The following TENM2 variants were observed in gnomAD, a reference collection of about 807,000 sequenced individuals.
The protein encoded by TENM2 is teneurin-2.
Under a neutral mutation model 245.2 loss-of-function variants are expected in TENM2, and 52 were observed. The ratio of observed to expected loss-of-function variants is 0.21; its 90% CI spans 0.17 to 0.27. The LOEUF (loss-of-function observed/expected upper bound fraction) is 0.27, where lower values mean the gene tolerates loss of function less well. Ranked by LOEUF, TENM2 falls within the 10% of genes least tolerant of loss-of-function variation. TENM2 has a pLI of 1.00. For synonymous variants in TENM2, 1,363 were observed against 1,438.9 expected (o/e 0.95, Z 1.19); for missense variants, 3,046 against 3,666.8 (o/e 0.83, Z 4.37).
rs371633945 is a variant in TENM2 at position 167,972,001 on chromosome 5, A to T, written c.947+19179A>T. 2.6e-5 allele frequency among the ~76,000 whole-genome samples: 4 copies of T among 152,310 alleles called. No individual in the cohort carries two copies. The South Asian group carries it at 8.3e-4, about 32-fold the overall frequency. ...CTCACTATTTCCTGCATGATTAGGG[A>T]ATGTTGGTGCCTACTTATCCCACAC... is the stretch of plus-strand genomic sequence containing the variant. On this transcript the variant is annotated intron_variant, in intron 4 of 28. Transcript: ENST00000518659.
At chr5:167,543,244 T>C (rs1045129081) in intron 2 of TENM2, among the ~76,000 whole-genome samples, 9 of 152,122 alleles carry the variant, frequency 5.9e-5, no homozygotes, top group Admixed American at 2.6e-4. Context: ...CCACATTCCA[T>C]TGGGCTGAAA....
chr5:168,072,663 A>G (rs935235558), intron 7 of TENM2, among the ~76,000 whole-genome samples: 3 of 152,164 alleles, frequency 2.0e-5, no homozygotes, highest in African/African-American at 7.2e-5. Context: ...TATCTCTCCT[A>G]TGAAGTGTTT....
chr5:167,163,942 C>G, the TENM2 span, among the ~76,000 whole-genome samples: 1 of 152,150 alleles, frequency 6.6e-6, no homozygotes, highest in Non-Finnish European at 1.5e-5. Flanking sequence ...ATATCAGAGC[C>G]CTCCATGAGC....
At chr5:167,486,712 A>G (rs888282366) in intron 2 of TENM2, among the ~76,000 whole-genome samples, 1 of 152,160 alleles carries the variant, frequency 6.6e-6, no homozygotes, top group Admixed American at 6.5e-5. Flanking sequence ...AAATAATGCA[A>G]TGTAATGATT....
chr5:167,563,648 G>A (rs1251903161), intron 2 of TENM2, among the ~76,000 whole-genome samples: 5 of 152,050 alleles, frequency 3.3e-5, no homozygotes, highest in Non-Finnish European at 5.9e-5. Context: ...TTTCAGTCAG[G>A]GACAGACCTC....
intron 5 of TENM2, 113 bp from the exon 8 acceptor site, chr5:168,047,314 G>A (rs1788691567): frequency 1.6e-6 from 2 of 1,270,574 alleles, no homozygotes; most frequent in African/African-American, 1.5e-5. Flanking sequence ...AGCCATTTTT[G>A]ACGCAGCTTC....
At chr5:167,375,347 G>C in exon 2 of TENM2, 1 of 1,551,684 alleles carries the variant, frequency 6.4e-7, no homozygotes, top group Non-Finnish European at 8.7e-7. Context: ...GATGTCTCCA[G>C]AACACGCCAT....
At chr5:167,808,195 T>C (rs1766370186) in intron 2 of TENM2, among the ~76,000 whole-genome samples, 1 of 152,188 alleles carries the variant, frequency 6.6e-6, no homozygotes, top group Non-Finnish European at 1.5e-5. Flanking sequence ...TTAATCACTT[T>C]AAGGTTCAGT....
At chr5:167,049,228 C>G in the TENM2 span, among the ~76,000 whole-genome samples, 3 of 152,230 alleles carry the variant, frequency 2.0e-5, no homozygotes, top group Non-Finnish European at 4.4e-5. Flanking sequence ...CTGTGCTACA[C>G]AGATCCATAG....
At chr5:168,081,318 G>T (rs979196873) in intron 7 of TENM2, among the ~76,000 whole-genome samples, 1 of 152,050 alleles carries the variant, frequency 6.6e-6, no homozygotes, top group Non-Finnish European at 1.5e-5. Flanking sequence ...TTTTGAGCCT[G>T]TGTGTGTCTC....
intron 2 of TENM2, among the ~76,000 whole-genome samples, chr5:167,428,181 T>G (rs1267174032): frequency 6.6e-6 from 1 of 152,210 alleles, no homozygotes; most frequent in Non-Finnish European, 1.5e-5. Flanking sequence ...GATCATGCTG[T>G]CTCCTCAATA....
At chr5:167,210,921 C>T in the TENM2 span, among the ~76,000 whole-genome samples, 137 of 152,236 alleles carry the variant, frequency 9.0e-4, no homozygotes, top group African/African-American at 3.2e-3. Context: ...AATGTATTAT[C>T]TCCCCTTCAG....
chr5:167,695,551 A>G (rs568298105), intron 2 of TENM2, among the ~76,000 whole-genome samples: 1 of 152,150 alleles, frequency 6.6e-6, no homozygotes, highest in Non-Finnish European at 1.5e-5. Context: ...TCTCTAAAAC[A>G]TATGAATTTT....
chr5:168,207,724 T>C (rs1252684316), intron 19 of TENM2, among the ~76,000 whole-genome samples: 2 of 151,974 alleles, frequency 1.3e-5, no homozygotes, highest in East Asian at 3.9e-4. Context: ...ATTTCGGGAG[T>C]CAGTGCCCAT....
intron 3 of TENM2, among the ~76,000 whole-genome samples, chr5:167,893,534 A>G (rs960168940): frequency 5.9e-5 from 9 of 151,620 alleles, no homozygotes; most frequent in African/African-American, 2.2e-4. Flanking sequence ...GCTTATCACA[A>G]CTCTTAAATT....
chr5:167,753,226 C>T (rs763564367), intron 2 of TENM2, among the ~76,000 whole-genome samples: 10 of 152,044 alleles, frequency 6.6e-5, no homozygotes, highest in Non-Finnish European at 1.3e-4. Flanking sequence ...CTGCTATATA[C>T]GGAAAAGTTG....
chr5:167,389,960 A>G (rs1294874823), intron 2 of TENM2, among the ~76,000 whole-genome samples: 1 of 152,110 alleles, frequency 6.6e-6, no homozygotes, highest in Non-Finnish European at 1.5e-5. Flanking sequence ...AGATAGTGGG[A>G]CGATGCATCT....
At chr5:167,373,787 C>T (rs1181159481) in intron 1 of TENM2, among the ~76,000 whole-genome samples, 1 of 152,132 alleles carries the variant, frequency 6.6e-6, no homozygotes, top group Non-Finnish European at 1.5e-5. Flanking sequence ...TGTTTAACCT[C>T]TCTTTGTAAA....
Position 167,862,860 on chromosome 5 carries a change from T to C in TENM2, c.503-13126T>C, listed in dbSNP as rs540776168. ...TTGATCTCCATACTTGTCATGAGAA[T>C]AGAATAATATTTAGACATTCAAAGC... is the stretch of plus-strand genomic sequence containing the variant. On this transcript the variant is annotated intron_variant, in intron 2 of 28. Coordinates refer to ENST00000518659, the Ensembl canonical transcript of TENM2. 2.0e-5 allele frequency among the ~76,000 whole-genome samples: 3 copies of C among 152,332 alleles called. No homozygotes were observed. In the South Asian group the frequency reaches 6.2e-4, roughly 32 times the overall value.
Sources: allele counts gnomAD v4.1 joint callset (sites outside exome capture counted in the v4.1 genomes callset), GRCh38; gene constraint gnomAD v4.1.1; transcripts MANE v1.5; gene names NCBI Gene and HGNC (gene_info 2026-07-23, HGNC 2026-07-21).